SLC35F3: variants seen among roughly 807,000 people sequenced by gnomAD.
SLC35F3 encodes putative thiamine transporter SLC35F3.
SLC35F3 carries 25 observed loss-of-function variants against 49.9 expected under a neutral mutation model. The observed-to-expected ratio is 0.50, with a 90% CI of 0.37 to 0.70. SLC35F3 has a LOEUF of 0.70. Ranked by LOEUF, SLC35F3 falls within the 30% of genes least tolerant of loss-of-function variation. SLC35F3 has a pLI of 0.00. For synonymous variants in SLC35F3, 275 were observed against 265.4 expected (o/e 1.04, Z -0.35); for missense variants, 525 against 639.8 (o/e 0.82, Z 1.94).
At chr1:234,289,933 A>C (rs971326656) in intron 3 of SLC35F3, among the ~76,000 whole-genome samples, 1 of 152,256 alleles carries the variant, frequency 6.6e-6, no homozygotes, top group Non-Finnish European at 1.5e-5. Context: ...TGCTGCACAA[A>C]CCAAAAGAGC....
At chr1:233,928,758 C>T (rs1265908376) in intron 2 of SLC35F3, among the ~76,000 whole-genome samples, 1 of 152,210 alleles carries the variant, frequency 6.6e-6, no homozygotes, top group African/African-American at 2.4e-5. Flanking sequence ...AAAAGGAGAG[C>T]TTCTCTGATA....
chr1:234,104,747 T>A (rs1665259080), intron 2 of SLC35F3, among the ~76,000 whole-genome samples: 1 of 152,166 alleles, frequency 6.6e-6, no homozygotes, highest in South Asian at 2.1e-4. Context: ...GAAAACAAAT[T>A]AGTACAAATA....
At chr1:233,946,734 CTG>C (rs1408266871) in intron 2 of SLC35F3, among the ~76,000 whole-genome samples, 2 of 152,230 alleles carry the variant, frequency 1.3e-5, no homozygotes, top group Admixed American at 1.3e-4. Flanking sequence ...ACTGAACTGA[CTG>C]TGCGTGCACC....
At chr1:234,092,049 G>A (rs1665050569) in intron 2 of SLC35F3, among the ~76,000 whole-genome samples, 1 of 152,174 alleles carries the variant, frequency 6.6e-6, no homozygotes, top group Admixed American at 6.5e-5. Flanking sequence ...CAGCCATTTG[G>A]TTTTTAAAAT....
At chr1:234,263,911 C>A (rs1363462914) in intron 3 of SLC35F3, among the ~76,000 whole-genome samples, 1 of 152,156 alleles carries the variant, frequency 6.6e-6, no homozygotes, top group South Asian at 2.1e-4. Context: ...GAGTTCGAGA[C>A]CAGCCTGGCC....
In SLC35F3 at chr1:234,106,016, C is replaced by T. The variant is rs1203922197; in HGVS notation, c.284-125401C>T. On this transcript the variant is annotated intron_variant, in intron 2 of 7. Coordinates refer to ENST00000366618, the MANE Select transcript of SLC35F3 (RefSeq NM_173508.4). Reference sequence around the variant, plus strand: ...CTGTAGGGCAGAGCTGCAGCCAACCCACAGCAGACATGCCCTGTGAGTGTG... The same window carrying T: ...CTGTAGGGCAGAGCTGCAGCCAACCTACAGCAGACATGCCCTGTGAGTGTG... Among the ~76,000 whole-genome samples, 2 of 152,206 alleles carry T rather than the reference C, an allele frequency of 1.3e-5. 1 individual carries two copies. The highest frequency in any genetic ancestry group is 2.9e-5 in the Non-Finnish European group (2 of 68,030).
At chr1:234,019,552 T>G (rs551612975) in intron 2 of SLC35F3, among the ~76,000 whole-genome samples, 2 of 150,900 alleles carry the variant, frequency 1.3e-5, no homozygotes, top group East Asian at 2.1e-4. Flanking sequence ...CCTCAGGGGT[T>G]TTTTTCCTCA....
At chr1:234,086,910 A>G (rs1185865974) in intron 2 of SLC35F3, among the ~76,000 whole-genome samples, 1 of 152,238 alleles carries the variant, frequency 6.6e-6, no homozygotes, top group Non-Finnish European at 1.5e-5. Context: ...ACAACATGTG[A>G]ATAAATTTCT....
intron 2 of SLC35F3, among the ~76,000 whole-genome samples, chr1:233,969,677 G>T (rs548099118): frequency 6.6e-6 from 1 of 152,202 alleles, no homozygotes; most frequent in Admixed American, 6.5e-5. Context: ...GGCATGGCTC[G>T]TTCGAATGAC....
intron 2 of SLC35F3, among the ~76,000 whole-genome samples, chr1:233,925,926 A>C (rs1333556740): frequency 1.3e-5 from 2 of 152,160 alleles, no homozygotes; most frequent in Non-Finnish European, 2.9e-5. Context: ...TTCTGGGTTG[A>C]AAATTCTTTT....
chr1:234,090,275 C>G (rs1433227358), intron 2 of SLC35F3, among the ~76,000 whole-genome samples: 1 of 152,268 alleles, frequency 6.6e-6, no homozygotes, highest in Admixed American at 6.5e-5. Flanking sequence ...CAAACCTTTG[C>G]CTTAGAATGG....
At chr1:234,273,538 C>G (rs1668144915) in intron 3 of SLC35F3, among the ~76,000 whole-genome samples, 1 of 152,246 alleles carries the variant, frequency 6.6e-6, no homozygotes, top group Admixed American at 6.5e-5. Context: ...CAAAATAATA[C>G]TCCATCTTTC....
intron 3 of SLC35F3, among the ~76,000 whole-genome samples, chr1:234,276,484 C>T (rs1262135922): frequency 6.6e-6 from 1 of 152,122 alleles, no homozygotes; most frequent in Non-Finnish European, 1.5e-5. Flanking sequence ...GCAGAGTACA[C>T]ATTCTAGATA....
chr1:233,942,049 C>G lies in SLC35F3; in HGVS notation c.283+36291C>G, dbSNP rs556455904. 3.2e-4 allele frequency among the ~76,000 whole-genome samples: 49 copies of G among 151,054 alleles called. No individual in the cohort carries two copies. In the South Asian group the frequency reaches 7.2e-3, roughly 22 times the overall value. On this transcript the variant is annotated intron_variant, in intron 2 of 7. Coordinates refer to ENST00000366618, the MANE Select transcript of SLC35F3 (RefSeq NM_173508.4). ...GATCTCGGATCACTGCAACCTCCAC[C>G]TCCCAGGTTGAAGCGATTCTCCTGC...
At position 234,080,324 on chromosome 1, in the gene SLC35F3, A is replaced by C. The variant is rs540675029; in HGVS notation, c.284-151093A>C. On this transcript the variant is annotated intron_variant, in intron 2 of 7. Coordinates refer to ENST00000366618, the MANE Select transcript of SLC35F3 (RefSeq NM_173508.4). ...TTATTATTATTTCTTATTACATTAC[A>C]GTATCACAGGTGGTTCCTCAATTAT... 3.3e-5 allele frequency among the ~76,000 whole-genome samples: 5 copies of C among 152,324 alleles called. No homozygotes were observed. The East Asian group carries it at 9.6e-4, about 29-fold the overall frequency.
intron 2 of SLC35F3, among the ~76,000 whole-genome samples, chr1:234,107,367 C>G (rs1457901561): frequency 6.6e-6 from 1 of 152,194 alleles, no homozygotes; most frequent in Non-Finnish European, 1.5e-5. Flanking sequence ...GAAGAATTGG[C>G]ACCAGTAATT....
At chr1:234,049,630 G>T (rs980062663) in intron 2 of SLC35F3, among the ~76,000 whole-genome samples, 2 of 151,758 alleles carry the variant, frequency 1.3e-5, no homozygotes, top group Non-Finnish European at 2.9e-5. Flanking sequence ...TGTATTTTTT[G>T]TTTGTTTGTT....
intron 1 of SLC35F3, 137 bp from the exon 2 acceptor site, chr1:233,905,392 C>T (rs1472272014): frequency 4.7e-5 from 35 of 739,058 alleles, no homozygotes; most frequent in Non-Finnish European, 7.4e-5. Flanking sequence ...GGAGCGCGGG[C>T]TCTGCCGCGG....
chr1:234,316,796 G>A (rs41314292), intron 5 of SLC35F3, 69 bp downstream of exon 5: 114,854 of 1,539,560 alleles, frequency 0.075, 6,538 homozygotes, highest in African/African-American at 0.3. Context: ...GCTTTAGATC[G>A]CTTGTCCTTT....
Sources: allele counts gnomAD v4.1 joint callset (sites outside exome capture counted in the v4.1 genomes callset), GRCh38; gene constraint gnomAD v4.1.1; transcripts MANE v1.5; gene names NCBI Gene and HGNC (gene_info 2026-07-23, HGNC 2026-07-21).